The following TNR variants were observed in gnomAD, a reference collection of about 807,000 sequenced individuals.
TNR encodes the protein tenascin R.
Under a neutral mutation model 150.4 loss-of-function variants are expected in TNR, and 45 were observed. That is an observed-to-expected ratio of 0.30 (90% CI 0.24 to 0.38). The LOEUF (loss-of-function observed/expected upper bound fraction) is 0.38, where lower values mean the gene tolerates loss of function less well. Among genes scored for constraint, TNR ranks in the 10% least tolerant of loss-of-function variants. The pLI is 1.00. For missense variants in TNR, 1,544 were observed against 1,759.1 expected, an observed-to-expected ratio of 0.88 and a Z score of 2.19; for synonymous variants, 687 against 678.4, an observed-to-expected ratio of 1.01 and a Z score of -0.20.
chr1:175,639,666 AT>A (rs1309997570), intron 1 of TNR, among the ~76,000 whole-genome samples: 1 of 152,132 alleles, frequency 6.6e-6, no homozygotes, highest in Non-Finnish European at 1.5e-5. Flanking sequence ...GGACCTCATC[AT>A]AATCTACAAG....
chr1:175,742,963 TACACAC>T lies in TNR; in HGVS notation c.-165+257_-165+262del, dbSNP rs66777686. Reference sequence around the variant, plus strand: ...AGACCTCACCTGTCTTATGCAACAGTACACACACACACACACACACACACACACACA... The same window carrying T: ...AGACCTCACCTGTCTTATGCAACAGTACACACACACACACACACACACACA... On this transcript the variant is annotated intron_variant, in intron 1 of 22. Coordinates refer to ENST00000367674, the MANE Select transcript of TNR (RefSeq NM_003285.3). 1.0e-3 allele frequency among the ~76,000 whole-genome samples: 153 copies of T among 147,838 alleles called. 1 individual carries two copies. The East Asian group carries it at 0.023, about 23-fold the overall frequency.
intron 1 of TNR, among the ~76,000 whole-genome samples, chr1:175,696,216 A>ATT (rs1553254706): frequency 2.1e-5 from 1 of 46,888 alleles, no homozygotes; most frequent in African/African-American, 8.9e-5. Context: ...GCCTTCCTGT[A>ATT]GTTTTTTTTT....
chr1:175,344,550 C>G (rs1385244371), intron 18 of TNR, among the ~76,000 whole-genome samples: 1 of 152,174 alleles, frequency 6.6e-6, no homozygotes, highest in Non-Finnish European at 1.5e-5. Context: ...TCACATGTCC[C>G]TGTCCTATTG....
intron 1 of TNR, among the ~76,000 whole-genome samples, chr1:175,707,635 G>A (rs1666877694): frequency 6.6e-6 from 1 of 152,114 alleles, no homozygotes; most frequent in Non-Finnish European, 1.5e-5. Context: ...AAGTGCTGCT[G>A]GGGTGTCCTC....
intron 1 of TNR, among the ~76,000 whole-genome samples, chr1:175,708,016 G>A (rs1302354039): frequency 9.1e-6 from 1 of 109,690 alleles, no homozygotes; most frequent in Non-Finnish European, 1.8e-5. Flanking sequence ...CCATGTGTGT[G>A]TTTGTGTGTG....
chr1:175,417,533 C>T (rs1654552574), intron 2 of TNR, among the ~76,000 whole-genome samples: 1 of 152,152 alleles, frequency 6.6e-6, no homozygotes, highest in Admixed American at 6.5e-5. Context: ...AACGTATTAG[C>T]AGATGGACCA....
chr1:175,608,654 G>A (rs1571671162), intron 1 of TNR, among the ~76,000 whole-genome samples: 1 of 152,262 alleles, frequency 6.6e-6, no homozygotes, highest in East Asian at 1.9e-4. Context: ...TGTTCAAGGA[G>A]CTTCTGTAAA....
intron 4 of TNR, among the ~76,000 whole-genome samples, chr1:175,398,503 C>A (rs1341710444): frequency 2.0e-5 from 3 of 152,134 alleles, no homozygotes; most frequent in Non-Finnish European, 4.4e-5. Context: ...ATAACACATA[C>A]AGAATGACTC....
chr1:175,638,041 C>A (rs1465926235), intron 1 of TNR, among the ~76,000 whole-genome samples: 1 of 152,172 alleles, frequency 6.6e-6, no homozygotes, highest in Non-Finnish European at 1.5e-5. Flanking sequence ...TGCATAGAAG[C>A]ATCTAGTTGC....
At chr1:175,574,660 G>T (rs1252603521) in intron 1 of TNR, among the ~76,000 whole-genome samples, 1 of 152,090 alleles carries the variant, frequency 6.6e-6, no homozygotes, top group African/African-American at 2.4e-5. Context: ...ACAAAGATCA[G>T]CCTCAACAGA....
At chr1:175,578,735 T>C (rs1361203259) in intron 1 of TNR, among the ~76,000 whole-genome samples, 2 of 152,200 alleles carry the variant, frequency 1.3e-5, no homozygotes, top group Non-Finnish European at 2.9e-5. Flanking sequence ...TGTGGGGATT[T>C]TGTCACCTCT....
chr1:175,343,684 AGTAG>A (rs957257328), intron 18 of TNR, among the ~76,000 whole-genome samples: 1 of 152,218 alleles, frequency 6.6e-6, no homozygotes, highest in Non-Finnish European at 1.5e-5. Flanking sequence ...TCTGACCCAA[AGTAG>A]GTGCTCAATC....
At chr1:175,497,235 C>T (rs984714630) in intron 2 of TNR, among the ~76,000 whole-genome samples, 9 of 152,262 alleles carry the variant, frequency 5.9e-5, no homozygotes, top group African/African-American at 2.2e-4. Flanking sequence ...TTCACTTCTC[C>T]TCGGTTTTGG....
At chr1:175,674,609 C>A (rs1665806483) in intron 1 of TNR, among the ~76,000 whole-genome samples, 1 of 152,168 alleles carries the variant, frequency 6.6e-6, no homozygotes, top group Non-Finnish European at 1.5e-5. Context: ...GGGTGGCCAA[C>A]CAACCCCTTT....
rs138326096 is a variant in TNR, at chr1:175,324,275, T to C, written c.3957+81A>G. 120 of 1,437,140 alleles carry C rather than the reference T, an allele frequency of 8.3e-5. No individual in the cohort carries two copies. In the African/African-American group the frequency reaches 1.1e-3, roughly 14 times the overall value. 89.0% of individuals were successfully genotyped at this position (1,437,140 alleles called of 1,614,324 possible). On this transcript the variant is annotated intron_variant, in intron 22 of 22. Transcript: ENST00000367674. Reference sequence around the variant, plus strand: ...TTTAAAGGGAAATGAAGGACTCACATGTGCTTTTAAAATATAAAGCTAAGG... The same window carrying C: ...TTTAAAGGGAAATGAAGGACTCACACGTGCTTTTAAAATATAAAGCTAAGG...
At position 175,635,436 on chromosome 1, in the gene TNR, A is replaced by G. The variant is rs187563027; in HGVS notation, c.-164-107067T>C. Among the ~76,000 whole-genome samples, 123 of 152,364 alleles carry G rather than the reference A, an allele frequency of 8.1e-4. 1 individual carries two copies. Among genetic ancestry groups the G allele is most frequent in the African/African-American group, 2.8e-3 (116 of 41,588 alleles). ...GCAACATCAGCCAGATAATTCCAATATTCGGCAAGAGTGAGTTTTCTTATC... is the reference window on the plus strand; with the variant it reads ...GCAACATCAGCCAGATAATTCCAATGTTCGGCAAGAGTGAGTTTTCTTATC... On this transcript the variant is annotated intron_variant, in intron 1 of 22. Transcript: ENST00000367674.
chr1:175,713,407 A>G (rs1170937972), intron 1 of TNR, among the ~76,000 whole-genome samples: 2 of 152,162 alleles, frequency 1.3e-5, no homozygotes, highest in African/African-American at 4.8e-5. Flanking sequence ...AGATGCAAGA[A>G]CATTGTGGGT....
At chr1:175,681,169 C>CTAT (rs1666023404) in intron 1 of TNR, among the ~76,000 whole-genome samples, 1 of 152,074 alleles carries the variant, frequency 6.6e-6, no homozygotes, top group Non-Finnish European at 1.5e-5. Context: ...ATTTACAAGT[C>CTAT]TATTAATTTT....
At chr1:175,624,160 C>T (rs1285804065) in intron 1 of TNR, among the ~76,000 whole-genome samples, 1 of 152,178 alleles carries the variant, frequency 6.6e-6, no homozygotes, top group Non-Finnish European at 1.5e-5. Flanking sequence ...CTTCTCCTCT[C>T]CTAGCTTACA....
Sources: gnomAD v4.1 joint callset for allele counts (sites outside exome capture counted in the v4.1 genomes callset) on GRCh38, gnomAD v4.1.1 for gene constraint, MANE v1.5 for transcripts, NCBI Gene and HGNC (gene_info 2026-07-23, HGNC 2026-07-21) for gene names.